DLG2: variants seen among roughly 807,000 people sequenced by gnomAD.
The protein encoded by DLG2 is disks large homolog 2.
In DLG2, 45 loss-of-function variants were observed where a neutral mutation model predicts 132.5. The ratio of observed to expected loss-of-function variants is 0.34; its 90% CI spans 0.27 to 0.44. DLG2 has a LOEUF of 0.44. Among genes scored for constraint, DLG2 ranks in the 20% least tolerant of loss-of-function variants. The probability of loss-of-function intolerance (pLI) is 1.00; values close to 1 mark genes in which losing one functional copy is unlikely to be tolerated. For missense variants in DLG2, 1,045 were observed against 1,196.9 expected (o/e 0.87, Z 1.87); for synonymous variants, 424 against 419.6 (o/e 1.01, Z -0.13).
rs540597190 is a variant in DLG2 at position 84,036,725 on chromosome 11, C to A, written c.919+22590G>T. Among the ~76,000 whole-genome samples the A allele has an allele frequency of 2.0e-5, 3 of 152,126 alleles. No individual in the cohort carries two copies. The East Asian group carries it at 5.8e-4, about 29-fold the overall frequency. ...TAAAAGTTTTAAAACTTGTGAATTACAATAACAAGGAATTGTACCAACTAA... is the reference window on the plus strand; with the variant it reads ...TAAAAGTTTTAAAACTTGTGAATTAAAATAACAAGGAATTGTACCAACTAA... On this transcript the variant is annotated intron_variant, in intron 11 of 27. Transcript: ENST00000376104.
chr11:85,360,568 G>C (rs1286337401), intron 3 of DLG2, among the ~76,000 whole-genome samples: 1 of 152,092 alleles, frequency 6.6e-6, no homozygotes, highest in African/African-American at 2.4e-5. Context: ...CTCTTCACTG[G>C]AGAATGCTGT....
At chr11:85,416,437 T>C (rs2152988346) in intron 3 of DLG2, among the ~76,000 whole-genome samples, 1 of 152,338 alleles carries the variant, frequency 6.6e-6, no homozygotes, top group East Asian at 1.9e-4. Flanking sequence ...TGTTTTTTGG[T>C]TCCATATAAA....
At chr11:85,298,665 C>T (rs1031784364) in intron 3 of DLG2, among the ~76,000 whole-genome samples, 4 of 152,064 alleles carry the variant, frequency 2.6e-5, no homozygotes, top group Admixed American at 6.6e-5. Flanking sequence ...CCCATTAATA[C>T]CAATATTGGT....
At chr11:85,070,372 T>C (rs1405275317) in intron 6 of DLG2, among the ~76,000 whole-genome samples, 1 of 151,546 alleles carries the variant, frequency 6.6e-6, no homozygotes, top group East Asian at 1.9e-4. Context: ...ACTGCAGCAC[T>C]ATTCACAATA....
intron 6 of DLG2, among the ~76,000 whole-genome samples, chr11:84,868,174 A>G (rs1332950277): frequency 2.0e-5 from 3 of 148,274 alleles, no homozygotes; most frequent in Admixed American, 1.4e-4. Context: ...TATTATTATT[A>G]TTATTGTTAT....
intron 10 of DLG2, among the ~76,000 whole-genome samples, chr11:84,091,557 G>C (rs1287631944): frequency 2.0e-5 from 3 of 152,138 alleles, no homozygotes; most frequent in Non-Finnish European, 4.4e-5. Context: ...AGTATTACCG[G>C]AGACCTGCAA....
intron 3 of DLG2, among the ~76,000 whole-genome samples, chr11:85,568,769 T>C (rs1338923458): frequency 1.3e-5 from 2 of 152,150 alleles, no homozygotes; most frequent in African/African-American, 4.8e-5. Context: ...ACACTTTCAA[T>C]CCTGATTTTA....
intron 3 of DLG2, among the ~76,000 whole-genome samples, chr11:85,412,748 C>CAT (rs1565454340): frequency 1.5e-5 from 2 of 133,572 alleles, no homozygotes; most frequent in African/African-American, 5.8e-5. Flanking sequence ...CACACACACA[C>CAT]ACACACACAC....
intron 14 of DLG2, among the ~76,000 whole-genome samples, chr11:83,935,579 T>C (rs1179668415): frequency 1.3e-5 from 2 of 152,158 alleles, no homozygotes; most frequent in African/African-American, 2.4e-5. Flanking sequence ...TCTAGGTGAT[T>C]TGTAAGAACC....
intron 20 of DLG2, among the ~76,000 whole-genome samples, chr11:83,537,825 AAAAAAAAAAAGAGAGAG>A (rs1298585046): frequency 0.018 from 2,660 of 144,722 alleles, 128 homozygotes; most frequent in African/African-American, 0.065. Flanking sequence ...AAAAAAAAAA[AAAAAAAAAAAGAGAGAG>A]AGAGATACCA....
At chr11:83,694,428 T>C (rs561908701) in intron 18 of DLG2, among the ~76,000 whole-genome samples, 1 of 152,266 alleles carries the variant, frequency 6.6e-6, no homozygotes, top group African/African-American at 2.4e-5. Context: ...TGATTCACAG[T>C]CATTCATGGA....
intron 3 of DLG2, among the ~76,000 whole-genome samples, chr11:85,340,199 T>C (rs1222610140): frequency 6.6e-6 from 1 of 152,210 alleles, no homozygotes; most frequent in Non-Finnish European, 1.5e-5. Context: ...CATATGTTTA[T>C]TGTGGCACTA....
At chr11:84,598,173 A>C (rs917602389) in intron 6 of DLG2, among the ~76,000 whole-genome samples, 1 of 152,104 alleles carries the variant, frequency 6.6e-6, no homozygotes, top group Non-Finnish European at 1.5e-5. Context: ...AAGAGAGATT[A>C]TTTCATCCAC....
chr11:85,312,106 T>C (rs1157875101), intron 3 of DLG2, among the ~76,000 whole-genome samples: 3 of 152,030 alleles, frequency 2.0e-5, no homozygotes, highest in Admixed American at 1.3e-4. Context: ...TTAACCATAC[T>C]CTGTACATTC....
At chr11:85,561,331 CAAAAAAAAAAAAAAA>C (rs1162562595) in intron 3 of DLG2, among the ~76,000 whole-genome samples, 41 of 12,508 alleles carry the variant, frequency 3.3e-3, no homozygotes, top group South Asian at 0.016. Flanking sequence ...GACCCTATCT[CAAAAAAAAAAAAAAA>C]AAAAAAAAAA....
At chr11:84,388,470 G>C (rs2098780105) in intron 7 of DLG2, among the ~76,000 whole-genome samples, 1 of 152,048 alleles carries the variant, frequency 6.6e-6, no homozygotes, top group Non-Finnish European at 1.5e-5. Context: ...TAATGAGGTG[G>C]GCTGGATGGG....
At chr11:85,008,906 G>T (rs2058922202) in intron 6 of DLG2, among the ~76,000 whole-genome samples, 1 of 152,036 alleles carries the variant, frequency 6.6e-6, no homozygotes, top group Non-Finnish European at 1.5e-5. Flanking sequence ...GATATTTCAA[G>T]TTCAGTGGTA....
chr11:85,091,480 T>C (rs1269418277), intron 6 of DLG2, among the ~76,000 whole-genome samples: 1 of 152,186 alleles, frequency 6.6e-6, no homozygotes, highest in Non-Finnish European at 1.5e-5. Context: ...GCCACATTTA[T>C]TGGAATTTCC....
chr11:83,737,849 T>A (rs1320785544), intron 18 of DLG2, among the ~76,000 whole-genome samples: 1 of 152,140 alleles, frequency 6.6e-6, no homozygotes, highest in African/African-American at 2.4e-5. Context: ...TTAGTTGAAC[T>A]GGTTCCTGAG....
Sources: gnomAD v4.1 joint callset for allele counts (sites outside exome capture counted in the v4.1 genomes callset) on GRCh38, gnomAD v4.1.1 for gene constraint, MANE v1.5 for transcripts, NCBI Gene and HGNC (gene_info 2026-07-23, HGNC 2026-07-21) for gene names.